RBKS: variants seen among roughly 807,000 people sequenced by gnomAD.
RBKS encodes ribokinase.
RBKS carries 33 observed loss-of-function variants against 33.9 expected under a neutral mutation model. The observed-to-expected ratio is 0.97, with a 90% CI of 0.74 to 1.30. The LOEUF (loss-of-function observed/expected upper bound fraction) is 1.30, where lower values mean the gene tolerates loss of function less well. Ranked by LOEUF, RBKS falls within the 50% of genes most tolerant of loss-of-function variation. RBKS has a pLI of 0.00. For missense variants in RBKS, 361 were observed against 392.6 expected, an observed-to-expected ratio of 0.92 and a Z score of 0.68; for synonymous variants, 125 against 143.0, an observed-to-expected ratio of 0.87 and a Z score of 0.90.
intron 7 of RBKS, among the ~76,000 whole-genome samples, chr2:27,803,492 C>A (rs1677837409): frequency 6.6e-6 from 1 of 150,698 alleles, no homozygotes; most frequent in African/African-American, 2.4e-5. Flanking sequence ...GAGGCCAAGA[C>A]AAGCCTGGGC....
intron 7 of RBKS, among the ~76,000 whole-genome samples, chr2:27,786,789 A>C (rs2148180671): frequency 1.4e-5 from 2 of 147,166 alleles, no homozygotes; most frequent in Middle Eastern, 3.4e-3. Context: ...AAAAAAAAAA[A>C]AAAAAAGAAA....
At chr2:27,866,319 T>C (rs79575150) in intron 1 of RBKS, among the ~76,000 whole-genome samples, 2 of 152,334 alleles carry the variant, frequency 1.3e-5, no homozygotes, top group East Asian at 3.9e-4. Context: ...ACCTTTTTTT[T>C]CTTAACCTCT....
At chr2:27,857,402 T>C (rs1663878747) in intron 2 of RBKS, among the ~76,000 whole-genome samples, 1 of 152,232 alleles carries the variant, frequency 6.6e-6, no homozygotes, top group African/African-American at 2.4e-5. Context: ...CCATTTATTT[T>C]CAAATTATTT....
rs946170340 is a variant in RBKS, at chr2:27,795,362, A to G, written c.796-13574T>C. The stretch of plus-strand genomic sequence containing the variant: ...GACAGGGGCCTTCGGGTCAAAGACA[A>G]GAAGGCTGATCTGAAAAGTCACATT... On this transcript the variant is annotated intron_variant, in intron 7 of 7. Transcript: ENST00000302188. The surrounding 1 kb of genome is among the most constrained non-coding windows in gnomAD (Gnocchi z 4.1). Among the ~76,000 whole-genome samples the G allele has an allele frequency of 6.6e-6, 1 of 152,314 alleles. No homozygotes were observed. Among genetic ancestry groups the G allele is most frequent in the South Asian group, 2.1e-4 (1 of 4,822 alleles).
chr2:27,807,157 C>T (rs947180694), intron 7 of RBKS, among the ~76,000 whole-genome samples: 2 of 152,154 alleles, frequency 1.3e-5, no homozygotes, highest in Non-Finnish European at 2.9e-5. Flanking sequence ...CCCAATGTGA[C>T]CACTTTAAAA....
At chr2:27,881,369 C>T (rs58852653) in intron 1 of RBKS, among the ~76,000 whole-genome samples, 1,836 of 151,938 alleles carry the variant, frequency 0.012, 38 homozygotes, top group African/African-American at 0.041. Flanking sequence ...GGCGAAACCC[C>T]GTCTCTACTA....
At chr2:27,853,453 G>GT (rs1663791190) in intron 2 of RBKS, among the ~76,000 whole-genome samples, 2 of 151,502 alleles carry the variant, frequency 1.3e-5, no homozygotes, top group South Asian at 4.2e-4. Context: ...GAGCTCAGGA[G>GT]TTTGAGACCA....
chr2:27,855,170 C>T (rs2148217664), intron 2 of RBKS, among the ~76,000 whole-genome samples: 1 of 152,188 alleles, frequency 6.6e-6, no homozygotes, highest in East Asian at 1.9e-4. Flanking sequence ...ATCAGTATCA[C>T]CTCTGTCACA....
chr2:27,782,584 GT>G, intron 7 of RBKS: 3 of 464,630 alleles, frequency 6.5e-6, no homozygotes, highest in African/African-American at 2.0e-5. Flanking sequence ...TGTGGTTATG[GT>G]TTTTGGAAGA....
chr2:27,852,556 A>G (rs1405888486), intron 2 of RBKS, among the ~76,000 whole-genome samples: 1 of 152,188 alleles, frequency 6.6e-6, no homozygotes. Context: ...AGTCAGCATC[A>G]TAACTTCTAT....
chr2:27,827,810 A>G (rs995919767), intron 6 of RBKS, 55 bp from the exon 7 acceptor site: 15 of 1,399,928 alleles, frequency 1.1e-5, no homozygotes, highest in Non-Finnish European at 1.4e-5. Flanking sequence ...ACCTGAATCC[A>G]CTTCCAGATG....
chr2:27,857,794 A>G (rs1663887981), intron 2 of RBKS, among the ~76,000 whole-genome samples: 1 of 152,220 alleles, frequency 6.6e-6, no homozygotes, highest in Non-Finnish European at 1.5e-5. Context: ...AGAGGATTCA[A>G]TGAGGTAGAA....
At chr2:27,788,431 C>T (rs574904449) in intron 7 of RBKS, among the ~76,000 whole-genome samples, 158 of 152,296 alleles carry the variant, frequency 1.0e-3, no homozygotes, top group African/African-American at 3.7e-3. Context: ...TGCAGCCAGG[C>T]GCGGTGGCTC....
chr2:27,879,869 G>A (rs1664385485), intron 1 of RBKS, among the ~76,000 whole-genome samples: 1 of 152,086 alleles, frequency 6.6e-6, no homozygotes, highest in African/African-American at 2.4e-5. Flanking sequence ...CTAAAAAATA[G>A]GCCAGGAGCA....
Position 27,821,404 on chromosome 2 carries a change from A to G in RBKS, c.795+6163T>C, listed in dbSNP as rs1678203572. On this transcript the variant is annotated intron_variant, in intron 7 of 7. Coordinates refer to ENST00000302188, the MANE Select transcript of RBKS (RefSeq NM_022128.3). ...GTAATTTTTTGTTGTAATATGTGCA[A>G]TTACACATATTAATCCTATAATATT... Among the ~76,000 whole-genome samples, 4 of 152,074 alleles carry G rather than the reference A, an allele frequency of 2.6e-5. No individual in the cohort carries two copies. The South Asian group carries it at 8.3e-4, about 31-fold the overall frequency.
chr2:27,840,335 C>CAA (rs1463747774), intron 5 of RBKS, among the ~76,000 whole-genome samples: 3 of 133,200 alleles, frequency 2.3e-5, no homozygotes, highest in Non-Finnish European at 4.7e-5. Context: ...ATTACACACA[C>CAA]ACACACACAC....
intron 7 of RBKS, among the ~76,000 whole-genome samples, chr2:27,801,981 TATATATATA>T: frequency 1.0e-5 from 1 of 99,946 alleles, no homozygotes; most frequent in African/African-American, 4.3e-5. Context: ...TATATATATA[TATATATATA>T]TATTTTTTTT....
Position 27,832,133 on chromosome 2 carries a change from T to C in RBKS, c.606+553A>G, listed in dbSNP as rs62139023. Among the ~76,000 whole-genome samples the C allele has an allele frequency of 7.1e-3, 1,085 of 152,290 alleles. 2 individuals carry two copies. Among genetic ancestry groups the C allele is most frequent in the Non-Finnish European group, 0.012 (830 of 68,032 alleles). ...TCTTATTGTACCAGTTGATAGATAG[T>C]CTGTTCAGATGATACATCATGACAC... is the stretch of plus-strand genomic sequence containing the variant. On this transcript the variant is annotated intron_variant, in intron 6 of 7. Coordinates refer to ENST00000302188, the MANE Select transcript of RBKS (RefSeq NM_022128.3).
At chr2:27,880,818 T>C (rs573544466) in intron 1 of RBKS, among the ~76,000 whole-genome samples, 1 of 152,272 alleles carries the variant, frequency 6.6e-6, no homozygotes, top group African/African-American at 2.4e-5. Flanking sequence ...GAAGAATCAA[T>C]ATCATTAAAA....
Sources: gnomAD v4.1 joint callset for allele counts (sites outside exome capture counted in the v4.1 genomes callset) on GRCh38, gnomAD v4.1.1 for gene constraint, Gnocchi (gnomAD v3.1) non-coding constraint, MANE v1.5 for transcripts, NCBI Gene and HGNC (gene_info 2026-07-23, HGNC 2026-07-21) for gene names.